Variants in SPTLC3 observed in about 807,000 individuals in gnomAD.
SPTLC3 encodes serine palmitoyltransferase long chain base subunit 3.
Under a neutral mutation model 59.3 loss-of-function variants are expected in SPTLC3, and 36 were observed. The ratio of observed to expected loss-of-function variants is 0.61; its 90% CI spans 0.47 to 0.80. The LOEUF is 0.80. Among genes scored for constraint, SPTLC3 ranks in the 30% least tolerant of loss-of-function variants. The pLI, the probability that SPTLC3 is intolerant of heterozygous loss-of-function variation, is 0.00. For synonymous variants in SPTLC3, 257 were observed against 240.8 expected (o/e 1.07, Z -0.62); for missense variants, 625 against 685.1 (o/e 0.91, Z 0.98).
At chr20:13,157,402 A>C (rs551194791) in intron 10 of SPTLC3, among the ~76,000 whole-genome samples, 5 of 152,006 alleles carry the variant, frequency 3.3e-5, no homozygotes, top group African/African-American at 1.2e-4. Context: ...ATACCACTGC[A>C]CTCCAGCCTG....
chr20:13,127,007 C>A (rs537363384), intron 9 of SPTLC3, among the ~76,000 whole-genome samples: 1 of 152,226 alleles, frequency 6.6e-6, no homozygotes, highest in Admixed American at 6.5e-5. Flanking sequence ...TGTGCGCGCA[C>A]GTGAGCGTGC....
At chr20:13,096,629 T>A (rs554604637) in intron 6 of SPTLC3, among the ~76,000 whole-genome samples, 1 of 152,108 alleles carries the variant, frequency 6.6e-6, no homozygotes, top group Non-Finnish European at 1.5e-5. Flanking sequence ...ACAATGCTTG[T>A]CTCTGGTTTG....
chr20:13,164,552 A>T (rs2038959329), intron 11 of SPTLC3: 1 of 588,878 alleles, frequency 1.7e-6, no homozygotes, highest in Non-Finnish European at 3.1e-6. Context: ...AGACCACTAA[A>T]TAAAATTAAT....
chr20:13,055,024 G>T (rs1987661875), intron 2 of SPTLC3, among the ~76,000 whole-genome samples: 1 of 151,956 alleles, frequency 6.6e-6, no homozygotes, highest in South Asian at 2.1e-4. Flanking sequence ...GAAAGAGGCA[G>T]GTGGAAGGAA....
chr20:13,074,254 T>C (rs2122575201), intron 3 of SPTLC3, 95 bp from the exon 4 acceptor site: 1 of 1,511,096 alleles, frequency 6.6e-7, no homozygotes, highest in Non-Finnish European at 9.1e-7. Flanking sequence ...ATCCTCTTTT[T>C]CTTCATAGGA....
chr20:13,071,634 G>A (rs1422741974), intron 2 of SPTLC3, among the ~76,000 whole-genome samples: 1 of 152,156 alleles, frequency 6.6e-6, no homozygotes, highest in Non-Finnish European at 1.5e-5. Flanking sequence ...GAACTATTAA[G>A]AGTCAAATGA....
At chr20:13,069,640 G>A (rs1324197196) in intron 2 of SPTLC3, among the ~76,000 whole-genome samples, 1 of 152,158 alleles carries the variant, frequency 6.6e-6, no homozygotes, top group Admixed American at 6.5e-5. Flanking sequence ...CTGCTGTGTG[G>A]CCTGGTTCCT....
At chr20:13,095,785 C>T (rs577916587) in intron 6 of SPTLC3, among the ~76,000 whole-genome samples, 1 of 152,132 alleles carries the variant, frequency 6.6e-6, no homozygotes, top group East Asian at 1.9e-4. Flanking sequence ...TCACCAGACA[C>T]CTGCCATATT....
intron 4 of SPTLC3, among the ~76,000 whole-genome samples, chr20:13,086,882 C>T (rs1291928514): frequency 1.3e-5 from 2 of 152,122 alleles, no homozygotes; most frequent in Non-Finnish European, 2.9e-5. Context: ...CAGCCTCAAC[C>T]TCCTAAGCTC....
At chr20:13,064,187 A>C (rs954137940) in intron 2 of SPTLC3, among the ~76,000 whole-genome samples, 3 of 150,600 alleles carry the variant, frequency 2.0e-5, no homozygotes, top group East Asian at 3.9e-4. Flanking sequence ...GAGCCACCGC[A>C]CCTGGCCAAT....
chr20:13,120,210 T>A (rs988231070), intron 8 of SPTLC3, among the ~76,000 whole-genome samples: 8 of 152,190 alleles, frequency 5.3e-5, no homozygotes, highest in Admixed American at 2.0e-4. Flanking sequence ...CTCTGATAAC[T>A]GTACTGTAAG....
chr20:13,121,195 A>C (rs1437811305), intron 8 of SPTLC3, among the ~76,000 whole-genome samples: 2 of 152,144 alleles, frequency 1.3e-5, no homozygotes, highest in Non-Finnish European at 2.9e-5. Context: ...CAGCCTCCAC[A>C]GGCTGACCAG....
chr20:13,128,792 G>A (rs995147326), intron 9 of SPTLC3, among the ~76,000 whole-genome samples: 1 of 151,680 alleles, frequency 6.6e-6, no homozygotes, highest in African/African-American at 2.4e-5. Flanking sequence ...CCAGACTCAA[G>A]TGATTCTCCT....
chr20:13,093,444 A>G, intron 5 of SPTLC3, 40 bp from the exon 6 acceptor site: 1 of 1,586,290 alleles, frequency 6.3e-7, no homozygotes. Context: ...CCTTGGTTTT[A>G]TTTATTGGCT....
chr20:13,091,222 C>T lies in SPTLC3; in HGVS notation c.732+15C>T. On this transcript the variant is annotated intron_variant, in intron 5 of 11. Coordinates refer to ENST00000399002, the MANE Select transcript of SPTLC3 (RefSeq NM_018327.4). ...TAGTTGGAAAGGTGAGAATTGTTAA[C>T]CTAATTGTCTTCTACTGTATTACTC... 6.2e-7 allele frequency: 1 copy of T among 1,612,362 alleles called. No individual in the cohort carries two copies. The highest frequency in any genetic ancestry group is 8.5e-7 in the Non-Finnish European group (1 of 1,178,878).
intron 6 of SPTLC3, among the ~76,000 whole-genome samples, chr20:13,097,381 C>A (rs987215202): frequency 1.3e-5 from 2 of 152,062 alleles, no homozygotes; most frequent in African/African-American, 4.8e-5. Context: ...TGTTCCCCAG[C>A]TAAACTGGTT....
intron 8 of SPTLC3, among the ~76,000 whole-genome samples, chr20:13,123,249 G>A (rs1325158788): frequency 1.3e-5 from 2 of 151,790 alleles, no homozygotes; most frequent in African/African-American, 4.8e-5. Flanking sequence ...GAGAATTGCT[G>A]GAGCCCAGGA....
chr20:13,085,145 T>C (rs1988964637), intron 4 of SPTLC3, among the ~76,000 whole-genome samples: 1 of 152,160 alleles, frequency 6.6e-6, no homozygotes, highest in Admixed American at 6.5e-5. Flanking sequence ...TGGAGGGTCT[T>C]TAACCCAGCA....
At chr20:13,128,344 C>A (rs28477222) in intron 9 of SPTLC3, among the ~76,000 whole-genome samples, 19,046 of 152,132 alleles carry the variant, frequency 0.13, 1,498 homozygotes, top group African/African-American at 0.22. Context: ...AACAAATAAA[C>A]CCTGTAGATC....
Sources: gnomAD v4.1 joint callset for allele counts (sites outside exome capture counted in the v4.1 genomes callset) on GRCh38, gnomAD v4.1.1 for gene constraint, MANE v1.5 for transcripts, NCBI Gene and HGNC (gene_info 2026-07-23, HGNC 2026-07-21) for gene names.